The following NEMP2 variants were observed in gnomAD, a reference collection of about 807,000 sequenced individuals.
NEMP2 encodes UPF0571 transmembrane protein.
NEMP2 carries 53 observed loss-of-function variants against 54.2 expected under a neutral mutation model. The observed-to-expected ratio is 0.98, with a 90% CI of 0.78 to 1.23. The LOEUF (loss-of-function observed/expected upper bound fraction) is 1.23, where lower values mean the gene tolerates loss of function less well. Among genes scored for constraint, NEMP2 ranks in the 50% most tolerant of loss-of-function variants. NEMP2 has a pLI of 0.00. For missense variants in NEMP2, 455 were observed against 511.3 expected (o/e 0.89, Z 1.06); for synonymous variants, 197 against 190.3 (o/e 1.04, Z -0.29).
At chr2:190,462,145 T>G in the NEMP2 span, among the ~76,000 whole-genome samples, 1 of 152,170 alleles carries the variant, frequency 6.6e-6, no homozygotes, top group Non-Finnish European at 1.5e-5. This position sits in a 1 kb window ranked among gnomAD's most constrained non-coding sequence, Gnocchi z 5.7. Context: ...GTTTTTGTAT[T>G]AATATAATGT....
At chr2:190,440,373 G>A in the NEMP2 span, among the ~76,000 whole-genome samples, 1 of 152,128 alleles carries the variant, frequency 6.6e-6, no homozygotes, top group Admixed American at 6.5e-5. Context: ...TCTCTGGAAG[G>A]TGACTTTCTC....
chr2:190,438,585 C>T, the NEMP2 span, among the ~76,000 whole-genome samples: 3 of 152,200 alleles, frequency 2.0e-5, no homozygotes, highest in African/African-American at 7.2e-5. This position sits in a 1 kb window ranked among gnomAD's most constrained non-coding sequence, Gnocchi z 5.2. Flanking sequence ...CATTAATGTG[C>T]ACCTTGCTCT....
the NEMP2 span, among the ~76,000 whole-genome samples, chr2:190,578,450 T>C: frequency 6.6e-6 from 1 of 152,032 alleles, no homozygotes; most frequent in Non-Finnish European, 1.5e-5. The surrounding 1 kb of genome is among the most constrained non-coding windows in gnomAD (Gnocchi z 4.4). Flanking sequence ...AAGATTACAG[T>C]GCCAGCATTC....
At chr2:190,636,370 A>G in the NEMP2 span, among the ~76,000 whole-genome samples, 3 of 152,210 alleles carry the variant, frequency 2.0e-5, no homozygotes, top group Non-Finnish European at 4.4e-5. Flanking sequence ...TATTTCCATC[A>G]CTGTCAGCAG....
At chr2:190,588,318 G>T in the NEMP2 span, among the ~76,000 whole-genome samples, 1 of 152,190 alleles carries the variant, frequency 6.6e-6, no homozygotes, top group Non-Finnish European at 1.5e-5. This position sits in a 1 kb window ranked among gnomAD's most constrained non-coding sequence, Gnocchi z 5.0. Context: ...GTTGGTGGAT[G>T]ATAATGAGAA....
the NEMP2 span, among the ~76,000 whole-genome samples, chr2:190,431,930 T>C: frequency 1.3e-5 from 2 of 152,248 alleles, no homozygotes; most frequent in African/African-American, 2.4e-5. This position sits in a 1 kb window ranked among gnomAD's most constrained non-coding sequence, Gnocchi z 4.4. Context: ...TGTTTCATAG[T>C]TGCATAATCT....
the NEMP2 span, among the ~76,000 whole-genome samples, chr2:190,574,166 CTT>C: frequency 3.3e-5 from 5 of 152,154 alleles, no homozygotes; most frequent in African/African-American, 1.2e-4. Flanking sequence ...GAAATTCACA[CTT>C]ATTCTTGCAA....
the NEMP2 span, among the ~76,000 whole-genome samples, chr2:190,542,536 T>C: frequency 6.6e-6 from 1 of 152,188 alleles, no homozygotes; most frequent in African/African-American, 2.4e-5. The surrounding 1 kb of genome is among the most constrained non-coding windows in gnomAD (Gnocchi z 4.6). Context: ...TTGAGGTAAC[T>C]TTCTATATCT....
the NEMP2 span, among the ~76,000 whole-genome samples, chr2:190,548,141 GTC>G: frequency 6.6e-6 from 1 of 152,088 alleles, no homozygotes; most frequent in African/African-American, 2.4e-5. Context: ...GTTAGAATTT[GTC>G]TCTCCTAACC....
chr2:190,452,338 A>T, the NEMP2 span, among the ~76,000 whole-genome samples: 34 of 152,326 alleles, frequency 2.2e-4, no homozygotes, highest in African/African-American at 7.7e-4. Flanking sequence ...ATAATATTTT[A>T]AAAATAGTAA....
At chr2:190,442,914 A>G in the NEMP2 span, 4 of 152,196 alleles carry the variant, frequency 2.6e-5, no homozygotes, top group African/African-American at 9.7e-5. Flanking sequence ...AAGAAGAGAA[A>G]TGGGCTGAGG....
chr2:190,639,385 G>A, the NEMP2 span, among the ~76,000 whole-genome samples: 2,656 of 104,150 alleles, frequency 0.026, 26 homozygotes, highest in South Asian at 0.055. Context: ...TTGACCTCCT[G>A]GTTTTTGTTG....
At position 190,533,945 on chromosome 2, in the gene NEMP2, T is replaced by C. The variant is rs776612957; in HGVS notation, c.97+614A>G. The C allele has an allele frequency of 1.6e-4, 154 of 983,834 alleles. No individual in the cohort carries two copies. The highest frequency in any genetic ancestry group is 1.8e-4 in the Non-Finnish European group (146 of 828,684). The allele number at this position is 983,834 out of a possible 1,614,324, so 60.9% of individuals were successfully genotyped here. ...CCCTACAGCTAGCAGCCGCTACCAG[T>C]TCTTGCTTCCTGTGTGCCAGGCATT... is the stretch of plus-strand genomic sequence containing the variant. On this transcript the variant is annotated intron_variant, in intron 1 of 8. Coordinates refer to ENST00000409150, the MANE Select transcript of NEMP2 (RefSeq NM_001142645.2). The surrounding 1 kb of genome is among the most constrained non-coding windows in gnomAD (Gnocchi z 4.3).
the NEMP2 span, chr2:190,436,497 CTTGAGATGTGT>C: frequency 6.2e-7 from 1 of 1,614,218 alleles, no homozygotes; most frequent in South Asian, 1.1e-5. The surrounding 1 kb of genome is among the most constrained non-coding windows in gnomAD (Gnocchi z 5.3). Flanking sequence ...AACCTGCTAC[CTTGAGATGTGT>C]ACCAAAGATT....
chr2:190,621,105 G>C, the NEMP2 span, among the ~76,000 whole-genome samples: 1 of 152,150 alleles, frequency 6.6e-6, no homozygotes, highest in African/African-American at 2.4e-5. Context: ...AGAAATTAAA[G>C]AAGATCTACA....
the NEMP2 span, chr2:190,469,679 T>A: frequency 1.3e-6 from 1 of 773,482 alleles, no homozygotes. The surrounding 1 kb of genome is among the most constrained non-coding windows in gnomAD (Gnocchi z 5.3). Flanking sequence ...TTTGTACACA[T>A]ATTAGATTGT....
chr2:190,479,614 A>T, the NEMP2 span, among the ~76,000 whole-genome samples: 1 of 152,182 alleles, frequency 6.6e-6, no homozygotes, highest in Non-Finnish European at 1.5e-5. Context: ...GTTGGTTGCA[A>T]ATCCTTGCAA....
the NEMP2 span, among the ~76,000 whole-genome samples, chr2:190,550,816 C>A: frequency 6.6e-6 from 1 of 152,154 alleles, no homozygotes; most frequent in Non-Finnish European, 1.5e-5. The surrounding 1 kb of genome is among the most constrained non-coding windows in gnomAD (Gnocchi z 4.7). Context: ...TCACTAGAAT[C>A]TTTAGGAAGG....
the NEMP2 span, among the ~76,000 whole-genome samples, chr2:190,619,049 C>T: frequency 2.0e-5 from 3 of 152,150 alleles, no homozygotes. The surrounding 1 kb of genome is among the most constrained non-coding windows in gnomAD (Gnocchi z 5.5). Context: ...AGCAAAGCTA[C>T]TTCTCAACTC....
Sources: allele counts gnomAD v4.1 joint callset (sites outside exome capture counted in the v4.1 genomes callset), GRCh38; gene constraint gnomAD v4.1.1; non-coding constraint Gnocchi (gnomAD v3.1); transcripts MANE v1.5; gene names NCBI Gene and HGNC (gene_info 2026-07-23, HGNC 2026-07-21).